Variants in PANX2 observed in about 807,000 individuals in gnomAD.
The protein encoded by PANX2 is pannexin 2.
In PANX2, 30 loss-of-function variants were observed where a neutral mutation model predicts 38.7. The observed-to-expected ratio is 0.78, with a 90% CI of 0.58 to 1.05. PANX2 has a LOEUF of 1.05. PANX2 is among the 50% of genes least tolerant of loss of function. The pLI, the probability that PANX2 is intolerant of heterozygous loss-of-function variation, is 0.00. For missense variants in PANX2, 880 were observed against 979.3 expected (o/e 0.90, Z 1.35); for synonymous variants, 539 against 472.1 (o/e 1.14, Z -1.84).
intron 1 of PANX2, among the ~76,000 whole-genome samples, chr22:50,173,421 T>G (rs1225439764): frequency 2.0e-5 from 3 of 152,258 alleles, no homozygotes; most frequent in Non-Finnish European, 2.9e-5. Flanking sequence ...TCTTTTTGGC[T>G]TCATCATCCT....
chr22:50,174,001 G>A lies in PANX2; in HGVS notation c.227-2938G>A, dbSNP rs568886662. 1.8e-4 allele frequency among the ~76,000 whole-genome samples: 28 copies of A among 152,326 alleles called. No individual in the cohort carries two copies. The East Asian group carries it at 5.4e-3, about 29-fold the overall frequency. The stretch of plus-strand genomic sequence containing the variant: ...CCGGGGTTGGGATGTGGCATCTTTG[G>A]GGGCCATGATTCTGCTCACTGCAGA... On this transcript the variant is annotated intron_variant, in intron 1 of 2. Coordinates refer to ENST00000395842, the MANE Select transcript of PANX2 (RefSeq NM_052839.4).
rs778379840 is a variant in PANX2, at chr22:50,179,155, G to C, written c.1912G>C (p.Glu638Gln). Reference protein sequence around the residue: ...INTLYEAREEEDGGPRLPQDV... With the variant: ...INTLYEAREEQDGGPRLPQDV... ...CACGCTGTACGAGGCCCGGGAGGAG[G>C]AGGACGGGGGCCCCCGCCTGCCGCA... is the stretch of plus-strand genomic sequence containing the variant. The change falls in exon 3 of 3, where the codon GAG becomes CAG. Residue 638 changes from glutamate (E) to glutamine (Q), a missense_variant. Around this residue, in one of 4 missense-constraint regions of PANX2, gnomAD observed 445 missense variants for 404.3 expected, o/e 1.10. Coordinates refer to ENST00000395842, the MANE Select transcript of PANX2 (RefSeq NM_052839.4). The C allele has an allele frequency of 6.2e-7, 1 of 1,612,378 alleles. No homozygotes were observed. Among genetic ancestry groups the C allele is most frequent in the Admixed American group, 1.7e-5 (1 of 59,978 alleles).
At chr22:50,175,358 C>G (rs2063656249) in intron 1 of PANX2, 1 of 726,680 alleles carries the variant, frequency 1.4e-6, no homozygotes, top group Non-Finnish European at 2.0e-6. Context: ...GCCACACATG[C>G]CCAGCAAGGG....
chr22:50,178,185 G>T lies in PANX2; in HGVS notation c.1473G>T (p.Pro491=), dbSNP rs761532895. The T allele has an allele frequency of 3.4e-5, 50 of 1,482,488 alleles. No individual in the cohort carries two copies. In the South Asian group the frequency reaches 6.3e-4, roughly 19 times the overall value. The allele number at this position is 1,482,488 out of a possible 1,614,324, so 91.8% of individuals were successfully genotyped here. ...ACTACAAGGGCGGAGGGGGCGACCC[G>T]GGCCCCGGCCCCGCCCCTGCCCCCG... is the stretch of plus-strand genomic sequence containing the variant. The part of the protein sequence containing the change: ...AHHYKGGGGD[P]GPGPAPAPAP... The change falls in exon 2 of 3, where the codon CCG becomes CCT. Residue 491 remains proline (P), a synonymous_variant. Transcript: ENST00000395842.
rs774173840 is a variant in PANX2 at position 50,177,611 on chromosome 22, T to C, written c.899T>C (p.Val300Ala). The change falls in exon 2 of 3, where the codon GTC becomes GCC. Residue 300 changes from valine (V) to alanine (A), a missense_variant. Around this residue, in one of 4 missense-constraint regions of PANX2, gnomAD observed 114 missense variants for 108.8 expected, o/e 1.05. Transcript: ENST00000395842. The part of the protein sequence containing the change: ...IAGVDIVLLC[V>A]MNLIILVNLI... ...GGCGTGGACATCGTGCTGCTGTGCGTCATGAACCTCATCATCCTCGTCAAC... is the reference window on the plus strand; with the variant it reads ...GGCGTGGACATCGTGCTGCTGTGCGCCATGAACCTCATCATCCTCGTCAAC... The C allele has an allele frequency of 3.7e-6, 6 of 1,612,956 alleles. No individual in the cohort carries two copies. The highest frequency in any genetic ancestry group is 5.1e-6 in the Non-Finnish European group (6 of 1,179,988).
rs1243934282 is a variant in PANX2 at position 50,177,491 on chromosome 22, C to T, written c.779C>T (p.Ala260Val). The T allele has an allele frequency of 3.1e-6, 5 of 1,609,284 alleles. No individual in the cohort carries two copies. In the East Asian group the frequency reaches 1.1e-4, roughly 36 times the overall value. Residue 260 changes from alanine (A) to valine (V), a missense_variant, in exon 2 of 3, where the codon GCG (alanine) becomes GTG (valine). By Grantham distance (64) the Ala-to-Val change is moderately conservative. This residue lies in a region of PANX2 where 114 missense variants were observed against 108.8 expected (regional missense o/e 1.05). Coordinates refer to ENST00000395842, the MANE Select transcript of PANX2 (RefSeq NM_052839.4). ...ATQKQNEFTC[A>V]LGASPDGAAG... is the part of the protein sequence containing the mutation. ...CAGAAGCAGAACGAGTTCACCTGCG[C>T]GCTGGGCGCGTCCCCGGACGGGGCG...
In PANX2 at chr22:50,176,985, G is replaced by A. The variant is rs1018342641; in HGVS notation, c.273G>A (p.Gln91=). 2 of 1,581,370 alleles carry A rather than the reference G, an allele frequency of 1.3e-6. No individual in the cohort carries two copies. Among genetic ancestry groups the A allele is most frequent in the Non-Finnish European group, 8.5e-7 (1 of 1,169,756 alleles). ...CYTPHNFTRD[Q]ALYARGYCWT... is the part of the protein sequence containing the mutation. Reference sequence around the variant, plus strand: ...CCCCGCACAACTTCACGCGCGACCAGGCGCTGTACGCCCGCGGCTACTGCT... The same window carrying A: ...CCCCGCACAACTTCACGCGCGACCAAGCGCTGTACGCCCGCGGCTACTGCT... The change falls in exon 2 of 3, where the codon CAG becomes CAA. Residue 91 remains glutamine (Q), a synonymous_variant. Transcript: ENST00000395842.
At chr22:50,174,123 CCAGA>C (rs1218356504) in intron 1 of PANX2, among the ~76,000 whole-genome samples, 1 of 152,154 alleles carries the variant, frequency 6.6e-6, no homozygotes, top group Non-Finnish European at 1.5e-5. Context: ...TCTGGGGTGA[CCAGA>C]CAGGGTTTGG....
chr22:50,171,086 G>T, intron 1 of PANX2, 130 bp downstream of exon 1: 1 of 394,898 alleles, frequency 2.5e-6, no homozygotes, highest in Non-Finnish European at 4.5e-6. Context: ...CGTCCGCGGC[G>T]TCCCAGGCAC....
intron 1 of PANX2, among the ~76,000 whole-genome samples, chr22:50,172,486 C>T (rs1180733007): frequency 1.3e-5 from 2 of 151,830 alleles, no homozygotes; most frequent in South Asian, 2.1e-4. Flanking sequence ...GGCTGGAGTG[C>T]GGTGGTGCGA....
At chr22:50,171,387 C>T (rs1569065069) in intron 1 of PANX2, among the ~76,000 whole-genome samples, 1 of 152,180 alleles carries the variant, frequency 6.6e-6, no homozygotes, top group Non-Finnish European at 1.5e-5. Context: ...GCAGGGTTCC[C>T]AGGCTGGACT....
chr22:50,172,368 C>T (rs1048616486), intron 1 of PANX2, among the ~76,000 whole-genome samples: 18 of 152,370 alleles, frequency 1.2e-4, no homozygotes, highest in East Asian at 5.8e-4. Flanking sequence ...CGCCTTGGCT[C>T]GTGGCCGTGC....
Position 50,179,447 on chromosome 22 carries a change from A to T in PANX2, c.*170A>T. 1.6e-6 allele frequency: 1 copy of T among 639,596 alleles called. No individual in the cohort carries two copies. The highest frequency in any genetic ancestry group is 2.6e-6 in the Non-Finnish European group (1 of 377,826). 39.6% of individuals were successfully genotyped at this position (639,596 alleles called of 1,614,324 possible). On this transcript the variant is annotated 3_prime_UTR_variant, in exon 3 of 3. Transcript: ENST00000395842. Reference sequence around the variant, plus strand: ...GGGCCTTCGCCCCCACGTGCTCGACAGGGGAACCCGCCCGGACGGCATCGC... The same window carrying T: ...GGGCCTTCGCCCCCACGTGCTCGACTGGGGAACCCGCCCGGACGGCATCGC...
Position 50,178,188 on chromosome 22 carries a change from C to T in PANX2, c.1476C>T (p.Gly492=). ...HHYKGGGGDP[G]PGPAPAPAPP... Reference sequence around the variant, plus strand: ...ACAAGGGCGGAGGGGGCGACCCGGGCCCCGGCCCCGCCCCTGCCCCCGCCC... The same window carrying T: ...ACAAGGGCGGAGGGGGCGACCCGGGTCCCGGCCCCGCCCCTGCCCCCGCCC... Residue 492 remains glycine, a synonymous_variant, in exon 2 of 3, where the codon GGC becomes GGT. Transcript: ENST00000395842. 3 of 1,474,458 alleles carry T rather than the reference C, an allele frequency of 2.0e-6. No homozygotes were observed. Among genetic ancestry groups the T allele is most frequent in the Middle Eastern group, 2.4e-4 (1 of 4,104 alleles). 91.3% of individuals were successfully genotyped at this position (1,474,458 alleles called of 1,614,324 possible).
Position 50,176,932 on chromosome 22 carries a change from C to A in PANX2, c.227-7C>A, listed in dbSNP as rs1222491430. The A allele has an allele frequency of 1.3e-6, 2 of 1,518,000 alleles. No individual in the cohort carries two copies. Among genetic ancestry groups the A allele is most frequent in the Non-Finnish European group, 1.8e-6 (2 of 1,139,678 alleles). The allele number at this position is 1,518,000 out of a possible 1,614,324, so 94.0% of individuals were successfully genotyped here. On this transcript the variant is annotated splice_polypyrimidine_tract_variant and splice_region_variant and intron_variant, in intron 1 of 2. Coordinates refer to ENST00000395842, the MANE Select transcript of PANX2 (RefSeq NM_052839.4). ...CGCCCCAGCCCGTGTCTCCTCTTTG[C>A]CCCCAGAGGAACCCATTTACTGTTA...
rs2063682459 is a variant in PANX2 at position 50,179,044 on chromosome 22, G to A, written c.1801G>A (p.Ala601Thr). The change falls in exon 3 of 3, where the codon GCC becomes ACC. Residue 601 changes from alanine (A) to threonine (T), a missense_variant. Ala to Thr is a moderately conservative substitution (Grantham distance 58). Transcript: ENST00000395842. ...VRSPPAAPAV[A>T]PLTPASLGKA... The stretch of plus-strand genomic sequence containing the variant: ...CTCACCTCCCGCCGCCCCTGCTGTG[G>A]CCCCTCTGACACCAGCCAGCCTGGG... 1 of 1,610,956 alleles carries A rather than the reference G, an allele frequency of 6.2e-7. No homozygotes were observed. Among genetic ancestry groups the A allele is most frequent in the Non-Finnish European group, 8.5e-7 (1 of 1,179,206 alleles).
intron 1 of PANX2, among the ~76,000 whole-genome samples, chr22:50,172,914 TGAGACAGAGTCTCGCTC>T (rs2063640663): frequency 6.9e-6 from 1 of 145,144 alleles, no homozygotes; most frequent in African/African-American, 2.5e-5. Flanking sequence ...TTTTTTTTTT[TGAGACAGAGTCTCGCTC>T]TGTCACCCAG....
intron 1 of PANX2, among the ~76,000 whole-genome samples, chr22:50,176,196 T>G (rs2063660317): frequency 6.6e-6 from 1 of 152,260 alleles, no homozygotes; most frequent in Admixed American, 6.5e-5. Flanking sequence ...TCACTGCCGT[T>G]CGTGTCATTG....
Position 50,178,387 on chromosome 22 carries a change from C to CCGG in PANX2, c.1678_1680dup (p.Ala560dup). On this transcript the variant is annotated inframe_insertion, in exon 2 of 3. Coordinates refer to ENST00000395842, the MANE Select transcript of PANX2 (RefSeq NM_052839.4). ...GGAGGACTGTGGGCTAGGCCTGGCC[C>CCGG]CGGCGCCCATCAAAGGTAGGGGCAG... 7.0e-7 allele frequency: 1 copy of CCGG among 1,426,992 alleles called. No individual in the cohort carries two copies. Among genetic ancestry groups the CCGG allele is most frequent in the South Asian group, 1.5e-5 (1 of 67,626 alleles). 88.4% of individuals were successfully genotyped at this position (1,426,992 alleles called of 1,614,324 possible). A position where few individuals can be genotyped will look rare whatever the true frequency, so the allele number is the denominator to read the frequency against.
Sources: gnomAD v4.1 joint callset for allele counts (sites outside exome capture counted in the v4.1 genomes callset) on GRCh38, gnomAD v4.1.1 for gene constraint, gnomAD v4.1.1 regional missense constraint, MANE v1.5 for transcripts, NCBI Gene and HGNC (gene_info 2026-07-23, HGNC 2026-07-21) for gene names.